GALNT17: variants seen among roughly 807,000 people sequenced by gnomAD.
GALNT17 encodes the protein UDP-GalNAc:polypeptide N-acetylgalactosaminyltransferase-like 3.
A neutral mutation model predicts 63.7 loss-of-function variants in GALNT17; 29 were observed. That is an observed-to-expected ratio of 0.46 (90% CI 0.34 to 0.62). The LOEUF (loss-of-function observed/expected upper bound fraction) is 0.62, where lower values mean the gene tolerates loss of function less well. Among genes scored for constraint, GALNT17 ranks in the 20% least tolerant of loss-of-function variants. The pLI is 0.01. For synonymous variants in GALNT17, 305 were observed against 318.3 expected (o/e 0.96, Z 0.45); for missense variants, 603 against 799.6 (o/e 0.75, Z 2.97).
In GALNT17 at chr7:71,196,974, A is replaced by T. The variant is rs11766684; in HGVS notation, c.238+63934A>T. Reference sequence around the variant, plus strand: ...CCGCCAATTTTTTTTTAAAAAATTTATTTTTAATTTTTGTGGATACGTAGT... The same window carrying T: ...CCGCCAATTTTTTTTTAAAAAATTTTTTTTTAATTTTTGTGGATACGTAGT... On this transcript the variant is annotated intron_variant, in intron 1 of 10. Coordinates refer to ENST00000333538, the MANE Select transcript of GALNT17 (RefSeq NM_022479.3). Among the ~76,000 whole-genome samples, 12 of 88,052 alleles carry T rather than the reference A, an allele frequency of 1.4e-4. No individual in the cohort carries two copies. In the East Asian group the frequency reaches 3.9e-3, roughly 29 times the overall value. 57.8% of individuals were successfully genotyped at this position (88,052 alleles called of 152,430 possible).
In GALNT17 at chr7:71,253,516, CTT is replaced by C. The variant is rs766396594; in HGVS notation, c.239-82020_239-82019del. 4.4e-3 allele frequency among the ~76,000 whole-genome samples: 623 copies of C among 141,926 alleles called. 6 individuals carry two copies. Among genetic ancestry groups the C allele is most frequent in the African/African-American group, 0.015 (584 of 38,750 alleles). 93.1% of individuals were successfully genotyped at this position (141,926 alleles called of 152,430 possible). A position where few individuals can be genotyped will look rare whatever the true frequency, so the allele number is the denominator to read the frequency against. ...AGCCAAACCATATTACCTACTCTTC[CTT>C]TTTTTTTTTTTTTCCTTCGTCTCTT... On this transcript the variant is annotated intron_variant, in intron 1 of 10. Transcript: ENST00000333538.
At chr7:71,315,483 C>T (rs545913494) in intron 1 of GALNT17, among the ~76,000 whole-genome samples, 26 of 152,288 alleles carry the variant, frequency 1.7e-4, no homozygotes, top group African/African-American at 6.0e-4. Context: ...ATTTTACATT[C>T]CCATCAACAA....
intron 5 of GALNT17, among the ~76,000 whole-genome samples, chr7:71,566,967 G>A (rs1789359077): frequency 6.6e-6 from 1 of 152,124 alleles, no homozygotes; most frequent in African/African-American, 2.4e-5. Context: ...CTCAGGAACT[G>A]CTCACGGTGG....
intron 2 of GALNT17, among the ~76,000 whole-genome samples, chr7:71,378,695 G>T (rs1484504651): frequency 6.6e-6 from 1 of 152,042 alleles, no homozygotes; most frequent in African/African-American, 2.4e-5. Flanking sequence ...GGAACAGAAA[G>T]AAATAAGGCC....
intron 3 of GALNT17, among the ~76,000 whole-genome samples, chr7:71,406,681 C>T (rs1284206544): frequency 1.3e-5 from 2 of 150,810 alleles, no homozygotes; most frequent in African/African-American, 4.9e-5. Context: ...ATACATTTAG[C>T]TGATTGGTTA....
intron 1 of GALNT17, among the ~76,000 whole-genome samples, chr7:71,242,442 G>C (rs1790016718): frequency 6.6e-6 from 1 of 151,504 alleles, no homozygotes; most frequent in African/African-American, 2.4e-5. Flanking sequence ...CTAATTTTTT[G>C]TATTTTTAGT....
At chr7:71,629,172 C>T (rs983931641) in intron 6 of GALNT17, among the ~76,000 whole-genome samples, 4 of 151,960 alleles carry the variant, frequency 2.6e-5, no homozygotes, top group African/African-American at 9.7e-5. Context: ...TGCATGGCAC[C>T]TGTGGAGTGG....
intron 1 of GALNT17, among the ~76,000 whole-genome samples, chr7:71,242,543 C>G (rs1790018505): frequency 6.6e-6 from 1 of 152,098 alleles, no homozygotes; most frequent in Admixed American, 6.6e-5. Flanking sequence ...GCTGGGATTA[C>G]AGGTGTGAGC....
chr7:71,477,194 T>C (rs1320251079), intron 5 of GALNT17, among the ~76,000 whole-genome samples: 1 of 152,188 alleles, frequency 6.6e-6, no homozygotes, highest in Non-Finnish European at 1.5e-5. Context: ...CTTGGCTGGT[T>C]CTCTTAACTT....
chr7:71,683,473 G>A (rs1320318101), intron 9 of GALNT17, among the ~76,000 whole-genome samples: 1 of 152,166 alleles, frequency 6.6e-6, no homozygotes, highest in African/African-American at 2.4e-5. Context: ...CACGGACATC[G>A]CTAGCTTAAT....
chr7:71,418,961 A>G (rs927527547), intron 4 of GALNT17, among the ~76,000 whole-genome samples: 3 of 152,228 alleles, frequency 2.0e-5, no homozygotes, highest in Admixed American at 1.3e-4. Flanking sequence ...GGCGCCTGTA[A>G]TCCCAGCTAC....
At chr7:71,609,403 A>C (rs1472614061) in intron 6 of GALNT17, among the ~76,000 whole-genome samples, 1 of 152,242 alleles carries the variant, frequency 6.6e-6, no homozygotes, top group African/African-American at 2.4e-5. Context: ...GTGAAGAAAG[A>C]AAGCAAGTTC....
chr7:71,199,870 A>G (rs1033821986), intron 1 of GALNT17, among the ~76,000 whole-genome samples: 5 of 152,172 alleles, frequency 3.3e-5, no homozygotes, highest in African/African-American at 1.2e-4. Flanking sequence ...AAATAAGACC[A>G]TGTCGCCATC....
intron 9 of GALNT17, among the ~76,000 whole-genome samples, chr7:71,688,768 A>G (rs1204583691): frequency 1.3e-5 from 2 of 152,190 alleles, no homozygotes; most frequent in African/African-American, 2.4e-5. Context: ...CTGTTTGATC[A>G]TAAGATTGTA....
At chr7:71,551,386 G>A (rs1165232024) in intron 5 of GALNT17, among the ~76,000 whole-genome samples, 1 of 152,094 alleles carries the variant, frequency 6.6e-6, no homozygotes, top group Non-Finnish European at 1.5e-5. Flanking sequence ...CTTAAGCACA[G>A]TAAACATAGA....
intron 1 of GALNT17, among the ~76,000 whole-genome samples, chr7:71,248,207 A>T (rs1790134775): frequency 6.6e-6 from 1 of 152,342 alleles, no homozygotes; most frequent in Non-Finnish European, 1.5e-5. Context: ...AGAGCACAGG[A>T]AACTACACTT....
At chr7:71,456,000 C>G (rs1308817838) in intron 5 of GALNT17, among the ~76,000 whole-genome samples, 2 of 152,178 alleles carry the variant, frequency 1.3e-5, no homozygotes, top group Non-Finnish European at 2.9e-5. Flanking sequence ...AATCCCAGCA[C>G]TTTGGGAGGC....
intron 5 of GALNT17, among the ~76,000 whole-genome samples, chr7:71,494,405 G>A (rs1011915800): frequency 1.3e-5 from 2 of 152,092 alleles, no homozygotes; most frequent in African/African-American, 4.8e-5. Context: ...GAGTGCAGTG[G>A]TGTGATCATA....
At chr7:71,513,251 C>G (rs74301503) in intron 5 of GALNT17, among the ~76,000 whole-genome samples, 10,627 of 152,186 alleles carry the variant, frequency 0.07, 854 homozygotes, top group East Asian at 0.39. Context: ...TACACCACTC[C>G]ACGATTGGAA....
Sources: allele counts gnomAD v4.1 joint callset (sites outside exome capture counted in the v4.1 genomes callset), GRCh38; gene constraint gnomAD v4.1.1; transcripts MANE v1.5; gene names NCBI Gene and HGNC (gene_info 2026-07-23, HGNC 2026-07-21).